Variants in SLC37A1 observed in about 807,000 individuals in gnomAD.
The protein encoded by SLC37A1 is glucose-6-phosphate exchanger SLC37A1.
A neutral mutation model predicts 75.3 loss-of-function variants in SLC37A1; 49 were observed. That is an observed-to-expected ratio of 0.65 (90% CI 0.52 to 0.83). SLC37A1 has a LOEUF of 0.83. SLC37A1 is among the 40% of genes least tolerant of loss of function. SLC37A1 has a pLI of 0.00. For synonymous variants in SLC37A1, 268 were observed against 292.1 expected (o/e 0.92, Z 0.84); for missense variants, 566 against 695.0 (o/e 0.81, Z 2.09).
chr21:42,513,754 G>C (rs979692306), upstream of SLC37A1: 1 of 147,446 alleles, frequency 6.8e-6, no homozygotes. Flanking sequence ...GCCGGGGGTC[G>C]CGGCGGCCGG....
chr21:42,535,276 G>T (rs1351785484), intron 4 of SLC37A1, among the ~76,000 whole-genome samples, 196 bp from the exon 5 acceptor site: 1 of 152,244 alleles, frequency 6.6e-6, no homozygotes, highest in East Asian at 1.9e-4. Context: ...GTGATTATTT[G>T]AAACTGCGGT....
Position 42,539,520 on chromosome 21 carries a change from T to C in SLC37A1, c.359T>C (p.Ile120Thr), listed in dbSNP as rs752071970. Residue 120 changes from isoleucine (I) to threonine (T), a missense_variant, in exon 6 of 20, where the codon ATT (isoleucine) becomes ACT (threonine). Coordinates refer to ENST00000352133, the MANE Select transcript of SLC37A1 (RefSeq NM_001320537.2). ...YAVGMYLSGI[I>T]GERLPIRYYL... ...CCTTCTCTCCACCTCAGTGGCATCA[T>C]TGGGGAGCGCCTGCCGATTAGGTAT... 3.4e-5 allele frequency: 55 copies of C among 1,612,428 alleles called. 1 individual carries two copies. In the Admixed American group the frequency reaches 4.7e-4, roughly 14 times the overall value.
chr21:42,550,736 C>A (rs910189106), intron 9 of SLC37A1, among the ~76,000 whole-genome samples: 2 of 152,216 alleles, frequency 1.3e-5, no homozygotes, highest in East Asian at 3.8e-4. Flanking sequence ...TTACCATGAT[C>A]AAGTGGGATT....
At chr21:42,540,155 G>A (rs1028554592) in intron 6 of SLC37A1, among the ~76,000 whole-genome samples, 4 of 152,218 alleles carry the variant, frequency 2.6e-5, no homozygotes, top group African/African-American at 9.6e-5. Flanking sequence ...GCATGTATTA[G>A]GGGAACTTAC....
chr21:42,573,205 T>C (rs965902852), intron 17 of SLC37A1, among the ~76,000 whole-genome samples: 1 of 152,162 alleles, frequency 6.6e-6, no homozygotes, highest in Non-Finnish European at 1.5e-5. Flanking sequence ...TCAGTGAGGA[T>C]GAGAAAAGAG....
Position 42,530,652 on chromosome 21 carries a change from ACACC to A in SLC37A1, c.139-4044_139-4041del, listed in dbSNP as rs1555882099. Among the ~76,000 whole-genome samples the A allele has an allele frequency of 7.9e-3, 199 of 25,076 alleles. 6 individuals carry two copies. Among genetic ancestry groups the A allele is most frequent in the African/African-American group, 0.012 (66 of 5,426 alleles). 16.5% of individuals were successfully genotyped at this position (25,076 alleles called of 152,430 possible). On this transcript the variant is annotated intron_variant, in intron 3 of 19. Coordinates refer to ENST00000352133, the MANE Select transcript of SLC37A1 (RefSeq NM_001320537.2). ...CACACACACACACACACACACACAC[ACACC>A]CCCTCTGTGTTGGCTGAAGGTGGAG... is the stretch of plus-strand genomic sequence containing the variant.
intron 6 of SLC37A1, 61 bp downstream of exon 6, chr21:42,539,708 G>A (rs528137032): frequency 2.6e-6 from 4 of 1,525,162 alleles, no homozygotes; most frequent in African/African-American, 1.4e-5. Flanking sequence ...AGGGTGGAGT[G>A]TTTATGTCAC....
intron 12 of SLC37A1, among the ~76,000 whole-genome samples, chr21:42,563,469 T>C (rs1394445388): frequency 8.9e-6 from 1 of 112,036 alleles, no homozygotes; most frequent in African/African-American, 4.2e-5. Context: ...CATCTGCAGT[T>C]CTAAAGCCGT....
At chr21:42,553,931 T>A (rs2055617859) in intron 9 of SLC37A1, 131 bp from the exon 10 acceptor site, 1 of 612,596 alleles carries the variant, frequency 1.6e-6, no homozygotes, top group South Asian at 2.4e-5. Flanking sequence ...TTATTCTGTT[T>A]AAATCAGTTG....
chr21:42,535,514 C>T lies in SLC37A1; in HGVS notation c.314C>T (p.Ser105Phe). Reference sequence around the variant, plus strand: ...CAGCTGCTTGGGGCCCTGGACTACTCCTTCCTGTGCGCCTATGCCGTGGGG... The same window carrying T: ...CAGCTGCTTGGGGCCCTGGACTACTTCTTCCTGTGCGCCTATGCCGTGGGG... ...YQQLLGALDY[S>F]FLCAYAVGMY... The change falls in exon 5 of 20, where the codon TCC (serine) becomes TTC (phenylalanine). Residue 105 changes from serine (S) to phenylalanine (F), a missense_variant. Physicochemically the swap from Ser to Phe is radical, Grantham distance 155. Coordinates refer to ENST00000352133, the MANE Select transcript of SLC37A1 (RefSeq NM_001320537.2). The T allele has an allele frequency of 6.2e-7, 1 of 1,614,188 alleles. No individual in the cohort carries two copies. The highest frequency in any genetic ancestry group is 8.5e-7 in the Non-Finnish European group (1 of 1,180,018).
chr21:42,557,308 G>A (rs906616330), intron 10 of SLC37A1, among the ~76,000 whole-genome samples: 1 of 152,240 alleles, frequency 6.6e-6, no homozygotes, highest in Non-Finnish European at 1.5e-5. Flanking sequence ...GGGGCTGGGG[G>A]AATTCGAGGC....
intron 15 of SLC37A1, 72 bp downstream of exon 15, chr21:42,565,947 A>G (rs2147002553): frequency 6.8e-7 from 1 of 1,465,402 alleles, no homozygotes; most frequent in Middle Eastern, 1.7e-4. Flanking sequence ...AAGATGAAAT[A>G]CTAAAATCAA....
In SLC37A1 at chr21:42,538,783, C is replaced by T. The variant is rs189977526; in HGVS notation, c.351-729C>T. On this transcript the variant is annotated intron_variant, in intron 5 of 19. Coordinates refer to ENST00000352133, the MANE Select transcript of SLC37A1 (RefSeq NM_001320537.2). ...AAGCTGGAGACTTTTTACCACCCCCCTCGAGGCTGTTTTAGTGAGGCGCTA... is the reference window on the plus strand; with the variant it reads ...AAGCTGGAGACTTTTTACCACCCCCTTCGAGGCTGTTTTAGTGAGGCGCTA... Among the ~76,000 whole-genome samples the T allele has an allele frequency of 4.7e-3, 710 of 152,326 alleles. 6 individuals are homozygous for T. The highest frequency in any genetic ancestry group is 0.015 in the African/African-American group (637 of 41,566).
intron 11 of SLC37A1, among the ~76,000 whole-genome samples, chr21:42,560,601 T>C (rs1044391762): frequency 2.0e-5 from 3 of 152,120 alleles, no homozygotes; most frequent in Non-Finnish European, 2.9e-5. Context: ...AGTATTCCAG[T>C]GCCCAGGAGA....
intron 17 of SLC37A1, among the ~76,000 whole-genome samples, chr21:42,571,132 ATGAG>A (rs1347332234): frequency 2.6e-5 from 4 of 152,002 alleles, no homozygotes; most frequent in African/African-American, 9.7e-5. Context: ...TGTTCCTTCC[ATGAG>A]TGAGTGCTGC....
intron 14 of SLC37A1, 141 bp downstream of exon 14, chr21:42,564,934 C>T (rs1477429313): frequency 5.5e-6 from 4 of 725,030 alleles, no homozygotes; most frequent in Non-Finnish European, 9.1e-6. Context: ...CCTCCTGTCC[C>T]CCGACCCCTC....
Position 42,567,012 on chromosome 21 carries a change from T to C in SLC37A1, c.1298T>C (p.Val433Ala), listed in dbSNP as rs750639981. The C allele has an allele frequency of 6.2e-7, 1 of 1,608,730 alleles. No homozygotes were observed. Among genetic ancestry groups the C allele is most frequent in the South Asian group, 1.1e-5 (1 of 91,018 alleles). ...IAMLLLSGAL[V>A]SGPYTLITTA... is the part of the protein sequence containing the mutation. ...ATGCTGCTGCTCAGCGGAGCCCTGG[T>C]CAGTGGGCCCTACACACTCATCACC... Residue 433 changes from valine (V) to alanine (A), a missense_variant, in exon 16 of 20, where the codon GTC (valine) becomes GCC (alanine). By Grantham distance (64) the Val-to-Ala change is moderately conservative (BLOSUM62 0). Coordinates refer to ENST00000352133, the MANE Select transcript of SLC37A1 (RefSeq NM_001320537.2).
At chr21:42,535,884 C>T (rs2055124863) in intron 5 of SLC37A1, among the ~76,000 whole-genome samples, 1 of 152,232 alleles carries the variant, frequency 6.6e-6, no homozygotes. Flanking sequence ...GAACAGAGGA[C>T]TAGTTTCCTG....
At chr21:42,575,050 T>C in intron 18 of SLC37A1, 135 bp downstream of exon 18, 1 of 1,453,130 alleles carries the variant, frequency 6.9e-7, no homozygotes, top group Non-Finnish European at 9.1e-7. Context: ...TTTCTAAATA[T>C]GCGTGGTCTA....
Sources: gnomAD v4.1 joint callset for allele counts (sites outside exome capture counted in the v4.1 genomes callset) on GRCh38, gnomAD v4.1.1 for gene constraint, MANE v1.5 for transcripts, NCBI Gene and HGNC (gene_info 2026-07-23, HGNC 2026-07-21) for gene names.